TNNI3K: variants seen among roughly 807,000 people sequenced by gnomAD.
TNNI3K encodes the protein TNNI3 interacting kinase.
In TNNI3K, 140 loss-of-function variants were observed where a neutral mutation model predicts 114.5. The ratio of observed to expected loss-of-function variants is 1.22; its 90% CI spans 1.07 to 1.41. The LOEUF (loss-of-function observed/expected upper bound fraction) is 1.41. Ranked by LOEUF, TNNI3K falls within the 40% of genes most tolerant of loss-of-function variation. TNNI3K has a pLI of 0.00. For missense variants in TNNI3K, 1,125 were observed against 1,007.6 expected (o/e 1.12, Z -1.58); for synonymous variants, 347 against 347.5 (o/e 1.00, Z 0.02).
chr1:74,360,004 C>T (rs1661870772), intron 11 of TNNI3K, among the ~76,000 whole-genome samples: 1 of 151,938 alleles, frequency 6.6e-6, no homozygotes, highest in African/African-American at 2.4e-5. Flanking sequence ...ACTTTTTCCT[C>T]CTCAACTTCT....
intron 11 of TNNI3K, among the ~76,000 whole-genome samples, chr1:74,364,861 GA>G (rs2100508731): frequency 6.6e-6 from 1 of 152,158 alleles, no homozygotes; most frequent in South Asian, 2.1e-4. Flanking sequence ...AAGGCCTCTA[GA>G]AAGAAATGCA....
chr1:74,240,562 C>A (rs894232531), intron 2 of TNNI3K: 5 of 152,074 alleles, frequency 3.3e-5, no homozygotes, highest in Admixed American at 6.6e-5. Flanking sequence ...GAATATTATA[C>A]AACCTTTTTG....
Position 74,288,087 on chromosome 1 carries a change from T to C in TNNI3K, c.444+16379T>C, listed in dbSNP as rs1236747486. Among the ~76,000 whole-genome samples, 4 of 151,854 alleles carry C rather than the reference T, an allele frequency of 2.6e-5. No homozygotes were observed. The East Asian group carries it at 7.7e-4, about 29-fold the overall frequency. ...TGGCTACTATCAAAAAGGCAAAAAA[T>C]AGCAAGTATTGACAAGAATATGCAG... On this transcript the variant is annotated intron_variant, in intron 5 of 24. Coordinates refer to ENST00000326637, the MANE Select transcript of TNNI3K (RefSeq NM_015978.3).
chr1:74,314,411 C>A (rs1659183825), intron 5 of TNNI3K, among the ~76,000 whole-genome samples: 1 of 151,736 alleles, frequency 6.6e-6, no homozygotes, highest in African/African-American at 2.4e-5. Context: ...AAGTCGCTTT[C>A]TTTGTTTGTA....
chr1:74,367,397 T>C, intron 12 of TNNI3K, 55 bp downstream of exon 12: 1 of 1,580,962 alleles, frequency 6.3e-7, no homozygotes, highest in Non-Finnish European at 8.7e-7. Context: ...TGCCTAAAGG[T>C]AAACCTGTGT....
At chr1:74,499,290 C>T (rs1034222221) in intron 23 of TNNI3K, among the ~76,000 whole-genome samples, 17 of 152,244 alleles carry the variant, frequency 1.1e-4, no homozygotes, top group South Asian at 4.1e-4. Flanking sequence ...TACAGGCATG[C>T]GCCACCATGC....
chr1:74,255,226 C>T (rs1009383080), intron 4 of TNNI3K, among the ~76,000 whole-genome samples: 8 of 151,008 alleles, frequency 5.3e-5, no homozygotes, highest in South Asian at 4.2e-4. Context: ...TAGTGGCGGG[C>T]GCCTGTAGTC....
intron 17 of TNNI3K, among the ~76,000 whole-genome samples, chr1:74,386,949 T>C (rs1293269064): frequency 6.6e-6 from 1 of 152,214 alleles, no homozygotes; most frequent in East Asian, 1.9e-4. Context: ...TATGTACTCA[T>C]TGTCAAGACA....
intron 21 of TNNI3K, among the ~76,000 whole-genome samples, chr1:74,466,138 A>G (rs188553736): frequency 8.3e-4 from 126 of 152,330 alleles, no homozygotes; most frequent in Middle Eastern, 3.4e-3. Context: ...GAACATCTGA[A>G]GGAACAAACT....
chr1:74,301,174 G>A (rs139007989), intron 5 of TNNI3K, among the ~76,000 whole-genome samples: 124 of 152,096 alleles, frequency 8.2e-4, no homozygotes, highest in Middle Eastern at 3.4e-3. Flanking sequence ...CTGAGACGGC[G>A]GGATCACCTG....
intron 22 of TNNI3K, among the ~76,000 whole-genome samples, chr1:74,490,629 T>C (rs902363559): frequency 6.6e-6 from 1 of 152,156 alleles, no homozygotes; most frequent in Non-Finnish European, 1.5e-5. Flanking sequence ...AATTAACAGA[T>C]GAGAGTCAGC....
At position 74,272,186 on chromosome 1, in the gene TNNI3K, C is replaced by T. The variant is rs114243702; in HGVS notation, c.444+478C>T. ...ACTTGAATGAATATTTATTCATCAC[C>T]TATTATGCACCGGATACTGTTTTAG... On this transcript the variant is annotated intron_variant, in intron 5 of 24. Coordinates refer to ENST00000326637, the MANE Select transcript of TNNI3K (RefSeq NM_015978.3). Among the ~76,000 whole-genome samples, 746 of 151,900 alleles carry T rather than the reference C, an allele frequency of 4.9e-3. 8 individuals are homozygous for T. The highest frequency in any genetic ancestry group is 0.017 in the African/African-American group (713 of 41,484).
intron 23 of TNNI3K, among the ~76,000 whole-genome samples, chr1:74,507,212 T>G (rs1669948175): frequency 7.2e-6 from 1 of 139,672 alleles, no homozygotes; most frequent in African/African-American, 2.6e-5. Flanking sequence ...GAGCAGTTTT[T>G]AAATTTCTTC....
chr1:74,509,764 T>G (rs1267047913), intron 23 of TNNI3K, among the ~76,000 whole-genome samples: 1 of 136,594 alleles, frequency 7.3e-6, no homozygotes, highest in Non-Finnish European at 1.6e-5. Context: ...TTTTTTTTTT[T>G]TTTTTTTTTT....
chr1:74,396,548 G>A (rs1399766748), intron 17 of TNNI3K, among the ~76,000 whole-genome samples: 3 of 152,198 alleles, frequency 2.0e-5, no homozygotes, highest in African/African-American at 7.2e-5. Context: ...TCTGTTTACT[G>A]GGGAAGAGGG....
chr1:74,296,935 G>A (rs914925815), intron 5 of TNNI3K, among the ~76,000 whole-genome samples: 16 of 152,192 alleles, frequency 1.1e-4, no homozygotes, highest in African/African-American at 3.4e-4. Context: ...CAGATTTGTA[G>A]TATTAATTGA....
intron 19 of TNNI3K, chr1:74,439,183 T>C (rs956602009): frequency 4.4e-6 from 1 of 229,884 alleles, no homozygotes. Context: ...CTTCTCATTG[T>C]ATAAGAGGCA....
chr1:74,331,591 A>C (rs201475805), intron 6 of TNNI3K, 43 bp downstream of exon 6: 2 of 1,539,592 alleles, frequency 1.3e-6, no homozygotes, highest in Non-Finnish European at 1.8e-6. Flanking sequence ...GTGTTGCTTA[A>C]GTGTAGGCTT....
chr1:74,362,964 T>A (rs1662049037), intron 11 of TNNI3K, among the ~76,000 whole-genome samples: 1 of 152,058 alleles, frequency 6.6e-6, no homozygotes, highest in Non-Finnish European at 1.5e-5. Context: ...ATCATTAGAG[T>A]TGCATTAGGC....
Sources: allele counts gnomAD v4.1 joint callset (sites outside exome capture counted in the v4.1 genomes callset), GRCh38; gene constraint gnomAD v4.1.1; transcripts MANE v1.5; gene names NCBI Gene and HGNC (gene_info 2026-07-23, HGNC 2026-07-21).